The following LRRC4C variants were observed in gnomAD, a reference collection of about 807,000 sequenced individuals.
The protein encoded by LRRC4C is leucine rich repeat containing 4C.
Under a neutral mutation model 33.6 loss-of-function variants are expected in LRRC4C, and 5 were observed. That is an observed-to-expected ratio of 0.15 (90% CI 0.08 to 0.31). The LOEUF is 0.31. LRRC4C is among the 10% of genes least tolerant of loss of function. The probability of loss-of-function intolerance (pLI) is 1.00; values close to 1 mark genes in which losing one functional copy is unlikely to be tolerated. For missense variants in LRRC4C, 560 were observed against 796.7 expected, an observed-to-expected ratio of 0.70 and a Z score of 3.58; for synonymous variants, 329 against 302.0, an observed-to-expected ratio of 1.09 and a Z score of -0.93.
At chr11:40,988,708 CTTTTCT>C (rs1432893046) in intron 1 of LRRC4C, among the ~76,000 whole-genome samples, 1 of 107,084 alleles carries the variant, frequency 9.3e-6, no homozygotes, top group South Asian at 3.9e-4. Flanking sequence ...CCTTTCTTTT[CTTTTCT>C]TTTTTTTTTT....
At chr11:40,152,525 G>A (rs1425524862) in intron 5 of LRRC4C, among the ~76,000 whole-genome samples, 1 of 152,178 alleles carries the variant, frequency 6.6e-6, no homozygotes, top group Non-Finnish European at 1.5e-5. Flanking sequence ...TTTTGCACCT[G>A]GGAGGCAGAT....
intron 1 of LRRC4C, among the ~76,000 whole-genome samples, chr11:41,369,266 A>G (rs1420148449): frequency 6.6e-6 from 1 of 152,220 alleles, no homozygotes; most frequent in Admixed American, 6.5e-5. Context: ...ATAGAAGAAC[A>G]TTATGCCCAA....
chr11:40,598,658 CAT>C (rs781137416), intron 3 of LRRC4C, among the ~76,000 whole-genome samples: 59 of 152,304 alleles, frequency 3.9e-4, no homozygotes, highest in Middle Eastern at 6.8e-3. Flanking sequence ...CCTAATCTCA[CAT>C]GTTTTATTTA....
chr11:40,856,916 G>A (rs765399851), intron 2 of LRRC4C, among the ~76,000 whole-genome samples: 1 of 152,112 alleles, frequency 6.6e-6, no homozygotes, highest in African/African-American at 2.4e-5. Flanking sequence ...AATAAAGTTT[G>A]AAAGTGTACA....
chr11:40,423,649 T>C (rs562125000), intron 3 of LRRC4C, among the ~76,000 whole-genome samples: 1 of 152,304 alleles, frequency 6.6e-6, no homozygotes, highest in African/African-American at 2.4e-5. Context: ...CGGCTGTTCA[T>C]GTTCTTAATG....
Position 40,269,135 on chromosome 11 carries a change from G to T in LRRC4C, c.-175-27537C>A, listed in dbSNP as rs573305125. On this transcript the variant is annotated intron_variant, in intron 4 of 6. Coordinates refer to ENST00000528697, the MANE Select transcript of LRRC4C (RefSeq NM_001258419.2). Reference sequence around the variant, plus strand: ...ATGTTGCTATTTTAGAGCATTTTCAGTCTCAACCCAGCTGTACTCCTCATG... The same window carrying T: ...ATGTTGCTATTTTAGAGCATTTTCATTCTCAACCCAGCTGTACTCCTCATG... Among the ~76,000 whole-genome samples the T allele has an allele frequency of 2.0e-5, 3 of 152,202 alleles. No individual in the cohort carries two copies. In the South Asian group the frequency reaches 6.2e-4, roughly 32 times the overall value.
chr11:41,408,928 C>T (rs1488442249), intron 1 of LRRC4C, among the ~76,000 whole-genome samples: 1 of 152,092 alleles, frequency 6.6e-6, no homozygotes, highest in African/African-American at 2.4e-5. Flanking sequence ...TCACAGGCGA[C>T]TTCATTATAA....
At chr11:40,550,193 A>G (rs1261417146) in intron 3 of LRRC4C, among the ~76,000 whole-genome samples, 2 of 152,150 alleles carry the variant, frequency 1.3e-5, no homozygotes, top group African/African-American at 4.8e-5. Flanking sequence ...ATTATTAAAT[A>G]ATATTAATCA....
chr11:41,163,115 G>A (rs571745841), intron 1 of LRRC4C, among the ~76,000 whole-genome samples: 18 of 151,776 alleles, frequency 1.2e-4, no homozygotes, highest in African/African-American at 2.4e-4. Flanking sequence ...TTCTCTTGCC[G>A]CCACCATGTA....
chr11:40,785,972 T>C (rs1950397240), intron 2 of LRRC4C, among the ~76,000 whole-genome samples: 1 of 152,218 alleles, frequency 6.6e-6, no homozygotes, highest in African/African-American at 2.4e-5. Context: ...TTTTTGTTTT[T>C]TTCAGAATCC....
intron 2 of LRRC4C, among the ~76,000 whole-genome samples, chr11:40,823,068 C>T (rs905675248): frequency 5.9e-5 from 9 of 151,648 alleles, no homozygotes; most frequent in Non-Finnish European, 8.9e-5. Context: ...ATAAAGGTAT[C>T]AAAGCATTCA....
intron 4 of LRRC4C, among the ~76,000 whole-genome samples, chr11:40,267,164 G>A (rs907814087): frequency 9.2e-5 from 14 of 151,906 alleles, no homozygotes; most frequent in African/African-American, 2.9e-4. Context: ...ATTTTTAACC[G>A]AAGAAATATT....
At chr11:41,227,194 A>T (rs548276420) in intron 1 of LRRC4C, among the ~76,000 whole-genome samples, 1 of 152,172 alleles carries the variant, frequency 6.6e-6, no homozygotes, top group South Asian at 2.1e-4. Flanking sequence ...TATATTGGAC[A>T]CATATTTTCC....
intron 3 of LRRC4C, among the ~76,000 whole-genome samples, chr11:40,383,803 G>A (rs1195036240): frequency 1.3e-5 from 2 of 151,734 alleles, no homozygotes; most frequent in Non-Finnish European, 2.9e-5. Context: ...TCCTACCTCA[G>A]CCTCTCTAGT....
chr11:40,985,978 T>C (rs1271265454), intron 1 of LRRC4C, among the ~76,000 whole-genome samples: 1 of 151,934 alleles, frequency 6.6e-6, no homozygotes, highest in Non-Finnish European at 1.5e-5. Flanking sequence ...TTTATTATAA[T>C]AATTAATATA....
intron 1 of LRRC4C, among the ~76,000 whole-genome samples, chr11:41,109,382 A>G (rs1299338309): frequency 1.3e-5 from 2 of 152,084 alleles, no homozygotes; most frequent in East Asian, 1.9e-4. Context: ...TATGAATTTG[A>G]AGAAATTGTC....
chr11:41,150,585 T>C (rs1196667757), intron 1 of LRRC4C, among the ~76,000 whole-genome samples: 3 of 151,080 alleles, frequency 2.0e-5, no homozygotes, highest in Non-Finnish European at 4.4e-5. Flanking sequence ...AGGTAAGGAG[T>C]TTGAGACCAG....
chr11:40,174,827 G>A (rs552140906), intron 5 of LRRC4C, among the ~76,000 whole-genome samples: 1 of 152,254 alleles, frequency 6.6e-6, no homozygotes, highest in African/African-American at 2.4e-5. Context: ...TCTCCCAGGG[G>A]ACAGGTCAAA....
chr11:40,301,186 G>T (rs1173752398), intron 4 of LRRC4C, among the ~76,000 whole-genome samples: 1 of 152,172 alleles, frequency 6.6e-6, no homozygotes, highest in East Asian at 1.9e-4. Context: ...GTAATAAGAA[G>T]AAAGCTGAAA....
Sources: allele counts gnomAD v4.1 joint callset (sites outside exome capture counted in the v4.1 genomes callset), GRCh38; gene constraint gnomAD v4.1.1; transcripts MANE v1.5; gene names NCBI Gene and HGNC (gene_info 2026-07-23, HGNC 2026-07-21).